The following CLDN23 variants were observed in gnomAD, a reference collection of about 807,000 sequenced individuals.
The protein encoded by CLDN23 is claudin 23, also known as claudin-23.
Under a neutral mutation model 1.4 loss-of-function variants are expected in CLDN23, and 3 were observed. The observed-to-expected ratio is 2.10, with a 90% CI of 0.96 to 5.43. The LOEUF is 5.43. Among genes scored for constraint, CLDN23 ranks in the 30% most tolerant of loss-of-function variants. The pLI, the probability that CLDN23 is intolerant of heterozygous loss-of-function variation, is 0.02. For missense variants in CLDN23, 597 were observed against 433.5 expected (o/e 1.38, Z -3.35); for synonymous variants, 291 against 209.9 (o/e 1.39, Z -3.34).
Position 8,702,478 on chromosome 8 carries a change from C to A in CLDN23, c.80C>A (p.Ala27Glu), listed in dbSNP as rs371447820. The A allele has an allele frequency of 6.2e-7, 1 of 1,607,878 alleles. No individual in the cohort carries two copies. Among genetic ancestry groups the A allele is most frequent in the Non-Finnish European group, 8.5e-7 (1 of 1,178,012 alleles). The change falls in exon 1 of 1, where the codon GCG (alanine) becomes GAG (glutamate). Residue 27 changes from alanine to glutamate, a missense_variant. Physicochemically the swap from Ala to Glu is moderately radical, Grantham distance 107. Coordinates refer to ENST00000519106, the MANE Select transcript of CLDN23 (RefSeq NM_194284.3). ...GLLLNLTGTLAPGWRLVKGFL... is the reference protein window; with the variant it reads ...GLLLNLTGTLEPGWRLVKGFL... Reference sequence around the variant, plus strand: ...CTGCTCAACCTGACCGGCACCCTGGCGCCCGGCTGGCGGCTGGTGAAGGGC... The same window carrying A: ...CTGCTCAACCTGACCGGCACCCTGGAGCCCGGCTGGCGGCTGGTGAAGGGC...
At position 8,703,459 on chromosome 8, in the gene CLDN23, A is replaced by G; in HGVS notation, c.*182A>G. 6 of 536,788 alleles carry G rather than the reference A, an allele frequency of 1.1e-5. No individual in the cohort carries two copies. The highest frequency in any genetic ancestry group is 1.2e-5 in the Non-Finnish European group (4 of 338,550). 33.3% of individuals were successfully genotyped at this position (536,788 alleles called of 1,614,324 possible). On this transcript the variant is annotated 3_prime_UTR_variant, in exon 1 of 1. Coordinates refer to ENST00000519106, the MANE Select transcript of CLDN23 (RefSeq NM_194284.3). ...AGGTTGGGTTTGGTTTTCTTCTTAA[A>G]GAGTTTAGTTTTCCTCTCCAGAGGG...
rs1370521737 is a variant in CLDN23, at chr8:8,703,287, G to C, written c.*10G>C. The C allele has an allele frequency of 5.1e-6, 7 of 1,371,876 alleles. No individual in the cohort carries two copies. Among genetic ancestry groups the C allele is most frequent in the Non-Finnish European group, 6.6e-6 (7 of 1,057,748 alleles). 85.0% of individuals were successfully genotyped at this position (1,371,876 alleles called of 1,614,324 possible). A position where few individuals can be genotyped will look rare whatever the true frequency, so the allele number is the denominator to read the frequency against. On this transcript the variant is annotated 3_prime_UTR_variant, in exon 1 of 1. Coordinates refer to ENST00000519106, the MANE Select transcript of CLDN23 (RefSeq NM_194284.3). ...CGACTCCGACCTCTAGACGCTTGTA[G>C]AGCCTGGGGGGCGCCGGGTGGCAAA...
In CLDN23 at chr8:8,702,285, G is replaced by A. The variant is rs1021162206; in HGVS notation, c.-114G>A. 8.2e-7 allele frequency: 1 copy of A among 1,218,096 alleles called. No individual in the cohort carries two copies. 75.5% of individuals were successfully genotyped at this position (1,218,096 alleles called of 1,614,324 possible). A position where few individuals can be genotyped will look rare whatever the true frequency, so the allele number is the denominator to read the frequency against. On this transcript the variant is annotated 5_prime_UTR_variant, in exon 1 of 1. Transcript: ENST00000519106. ...CCGACCCGGAGCCCGGGGCGTCCGC[G>A]CTGACTTCGGGTCCCCGGAGCCTGG...
At position 8,702,949 on chromosome 8, in the gene CLDN23, G is replaced by C. The variant is rs923626720; in HGVS notation, c.551G>C (p.Trp184Ser). 5.7e-6 allele frequency: 9 copies of C among 1,568,956 alleles called. No homozygotes were observed. The highest frequency in any genetic ancestry group is 6.9e-6 in the Non-Finnish European group (8 of 1,162,758). ...TCGCTGGCGCTCAGCTTCGCGCCCTGGTGCGACGAGCGTTGTCGCCGCCGC... is the reference window on the plus strand; with the variant it reads ...TCGCTGGCGCTCAGCTTCGCGCCCTCGTGCGACGAGCGTTGTCGCCGCCGC... ...GFSLALSFAPWCDERCRRRRK... is the reference protein window; with the variant it reads ...GFSLALSFAPSCDERCRRRRK... The change falls in exon 1 of 1, where the codon TGG (tryptophan) becomes TCG (serine). Residue 184 changes from tryptophan to serine, a missense_variant. Trp to Ser is a radical substitution (Grantham distance 177, BLOSUM62 -3). Transcript: ENST00000519106.
rs780406912 is a variant in CLDN23 at position 8,702,449 on chromosome 8, G to A, written c.51G>A (p.Gly17=). ...TGGGCATGGTGTTGGCGCCCTGCGG[G>A]CTCCTGCTCAACCTGACCGGCACCC... ...MTLGMVLAPC[G]LLLNLTGTLA... The change falls in exon 1 of 1, where the codon GGG becomes GGA. Residue 17 remains glycine (G), a synonymous_variant. Coordinates refer to ENST00000519106, the MANE Select transcript of CLDN23 (RefSeq NM_194284.3). The A allele has an allele frequency of 2.5e-6, 4 of 1,589,910 alleles. No individual in the cohort carries two copies. Among genetic ancestry groups the A allele is most frequent in the Non-Finnish European group, 3.4e-6 (4 of 1,169,790 alleles).
At position 8,703,124 on chromosome 8, in the gene CLDN23, G is replaced by GCCCAAT; in HGVS notation, c.731_732insTCCCAA (p.Pro243_Lys244insAsnPro). On this transcript the variant is annotated inframe_insertion, in exon 1 of 1. Transcript: ENST00000519106. ...CCCAGCACCGCAAGCCCAAGCCCAA[G>GCCCAAT]CCCAAGGTCGGCTTCCCCATGCCGC... is the stretch of plus-strand genomic sequence containing the variant. 1 of 1,546,268 alleles carries GCCCAAT rather than the reference G, an allele frequency of 6.5e-7. No individual in the cohort carries two copies. Among genetic ancestry groups the GCCCAAT allele is most frequent in the Non-Finnish European group, 8.7e-7 (1 of 1,154,700 alleles).
At position 8,702,402 on chromosome 8, in the gene CLDN23, C is replaced by T. The variant is rs540615917; in HGVS notation, c.4C>T (p.Arg2Trp). The change falls in exon 1 of 1, where the codon CGG (arginine) becomes TGG (tryptophan). Residue 2 changes from arginine (R) to tryptophan (W), a missense_variant. Arg to Trp is a moderately radical substitution (Grantham distance 101, BLOSUM62 -3). Coordinates refer to ENST00000519106, the MANE Select transcript of CLDN23 (RefSeq NM_194284.3). M[R>W]TPVVMTLGMV... ...GCCGTCGGCGCGGCGGGCCGGGATG[C>T]GGACGCCGGTGGTGATGACGCTGGG... 12 of 1,477,826 alleles carry T rather than the reference C, an allele frequency of 8.1e-6. No individual in the cohort carries two copies. The highest frequency in any genetic ancestry group is 1.5e-5 in the African/African-American group (1 of 68,128). 91.5% of individuals were successfully genotyped at this position (1,477,826 alleles called of 1,614,324 possible).
In CLDN23 at chr8:8,703,946, G is replaced by T. The variant is rs753575898; in HGVS notation, c.*669G>T. On this transcript the variant is annotated 3_prime_UTR_variant, in exon 1 of 1. Transcript: ENST00000519106. The stretch of plus-strand genomic sequence containing the variant: ...TCCAGAAGCCAAGAGGAGAACAAAG[G>T]TCCTAATGCTGTACTATTCCACCCT... 4 of 167,076 alleles carry T rather than the reference G, an allele frequency of 2.4e-5. No individual in the cohort carries two copies. The highest frequency in any genetic ancestry group is 5.9e-5 in the Non-Finnish European group (4 of 68,124). 10.3% of individuals were successfully genotyped at this position (167,076 alleles called of 1,614,324 possible). A position where few individuals can be genotyped will look rare whatever the true frequency, so the allele number is the denominator to read the frequency against.
rs566099565 is a variant in CLDN23 at position 8,702,273 on chromosome 8, C to T, written c.-126C>T. On this transcript the variant is annotated 5_prime_UTR_variant, in exon 1 of 1. Transcript: ENST00000519106. ...GGGCTCAGGAGCCCGACCCGGAGCC[C>T]GGGGCGTCCGCGCTGACTTCGGGTC... 2.6e-5 allele frequency: 28 copies of T among 1,075,812 alleles called. 1 individual carries two copies. Among genetic ancestry groups the T allele is most frequent in the Admixed American group, 1.2e-4 (4 of 32,766 alleles). 66.6% of individuals were successfully genotyped at this position (1,075,812 alleles called of 1,614,324 possible).
Position 8,702,121 on chromosome 8 carries a change from G to C in CLDN23, c.-278G>C. 3.1e-6 allele frequency: 1 copy of C among 323,444 alleles called. No homozygotes were observed. The highest frequency in any genetic ancestry group is 5.6e-6 in the Non-Finnish European group (1 of 178,108). 20.0% of individuals were successfully genotyped at this position (323,444 alleles called of 1,614,324 possible). On this transcript the variant is annotated 5_prime_UTR_variant, in exon 1 of 1. Transcript: ENST00000519106. ...GCGCCCGGACCCGCGGTTTCGGTCA[G>C]ACCCGCCCGCGGGCTGGTTTCGATT...
In CLDN23 at chr8:8,701,939, GCGTGGCCC is replaced by G; in HGVS notation, c.-459_-452del. 1 of 152,940 alleles carries G rather than the reference GCGTGGCCC, an allele frequency of 6.5e-6. No individual in the cohort carries two copies. The highest frequency in any genetic ancestry group is 2.4e-5 in the African/African-American group (1 of 41,596). 9.5% of individuals were successfully genotyped at this position (152,940 alleles called of 1,614,324 possible). A position where few individuals can be genotyped will look rare whatever the true frequency, so the allele number is the denominator to read the frequency against. ...TCCGGCCGTGAGCAGTCCAGGCCAG[GCGTGGCCC>G]AGCCGCCCGGCTGCAAGGTGGGGTG... On this transcript the variant is annotated 5_prime_UTR_variant, in exon 1 of 1. Coordinates refer to ENST00000519106, the MANE Select transcript of CLDN23 (RefSeq NM_194284.3).
rs768358755 is a variant in CLDN23 at position 8,703,273 on chromosome 8, T to G, written c.875T>G (p.Leu292Arg). 3.6e-6 allele frequency: 5 copies of G among 1,394,586 alleles called. No homozygotes were observed. The African/African-American group carries it at 7.6e-5, about 21-fold the overall frequency. 86.4% of individuals were successfully genotyped at this position (1,394,586 alleles called of 1,614,324 possible). ...CDSSLPCDSD[L>R] ...AGCTCGCTGCCCTGCGACTCCGACC[T>G]CTAGACGCTTGTAGAGCCTGGGGGG... Residue 292 changes from leucine to arginine, a missense_variant, in exon 1 of 1, where the codon CTC becomes CGC. Leu to Arg is a moderately radical substitution (Grantham distance 102). Coordinates refer to ENST00000519106, the MANE Select transcript of CLDN23 (RefSeq NM_194284.3).
chr8:8,703,148 G>C lies in CLDN23; in HGVS notation c.750G>C (p.Pro250=). The C allele has an allele frequency of 6.5e-7, 1 of 1,537,604 alleles. No homozygotes were observed. The change falls in exon 1 of 1, where the codon CCG becomes CCC. Residue 250 remains proline (P), a synonymous_variant. Transcript: ENST00000519106. Reference sequence around the variant, plus strand: ...AGCCCAAGGTCGGCTTCCCCATGCCGCGGCCGCGGCCCAAGGCCTACACCA... The same window carrying C: ...AGCCCAAGGTCGGCTTCCCCATGCCCCGGCCGCGGCCCAAGGCCTACACCA... ...KPKPKVGFPM[P]RPRPKAYTNS... is the part of the protein sequence containing the mutation.
In CLDN23 at chr8:8,702,229, A is replaced by T; in HGVS notation, c.-170A>T. ...GACGGTCCCCGTGCAGGAGACAAAGAGCGTCCCTGGAGCGATCAGGGCTCA... is the reference window on the plus strand; with the variant it reads ...GACGGTCCCCGTGCAGGAGACAAAGTGCGTCCCTGGAGCGATCAGGGCTCA... On this transcript the variant is annotated 5_prime_UTR_variant, in exon 1 of 1. Transcript: ENST00000519106. The T allele has an allele frequency of 1.7e-6, 1 of 578,392 alleles. No individual in the cohort carries two copies. Among genetic ancestry groups the T allele is most frequent in the Non-Finnish European group, 2.8e-6 (1 of 360,750 alleles). The allele number at this position is 578,392 out of a possible 1,614,324, so 35.8% of individuals were successfully genotyped here.
In CLDN23 at chr8:8,702,746, C is replaced by G. The variant is rs773519901; in HGVS notation, c.348C>G (p.Leu116=). The change falls in exon 1 of 1, where the codon CTC becomes CTG. Residue 116 remains leucine (L), a synonymous_variant. Transcript: ENST00000519106. Reference sequence around the variant, plus strand: ...AGCCCAACTTCGTGCTGGCAGGGCTCTCGGGCGTCGTGCTCTTCGTCGCTG... The same window carrying G: ...AGCCCAACTTCGTGCTGGCAGGGCTGTCGGGCGTCGTGCTCTTCGTCGCTG... ...QDEPNFVLAG[L]SGVVLFVAGL... is the part of the protein sequence containing the mutation. 1.1e-5 allele frequency: 17 copies of G among 1,609,484 alleles called. No individual in the cohort carries two copies. Among genetic ancestry groups the G allele is most frequent in the Middle Eastern group, 3.3e-4 (2 of 6,074 alleles).
chr8:8,702,449 G>C lies in CLDN23; in HGVS notation c.51G>C (p.Gly17=). The change falls in exon 1 of 1, where the codon GGG becomes GGC. Residue 17 remains glycine, a synonymous_variant. Transcript: ENST00000519106. The part of the protein sequence containing the change: ...MTLGMVLAPC[G]LLLNLTGTLA... ...TGGGCATGGTGTTGGCGCCCTGCGGGCTCCTGCTCAACCTGACCGGCACCC... is the reference window on the plus strand; with the variant it reads ...TGGGCATGGTGTTGGCGCCCTGCGGCCTCCTGCTCAACCTGACCGGCACCC... The C allele has an allele frequency of 6.3e-7, 1 of 1,590,028 alleles. No homozygotes were observed. Among genetic ancestry groups the C allele is most frequent in the Non-Finnish European group, 8.5e-7 (1 of 1,169,782 alleles).
rs946545217 is a variant in CLDN23, at chr8:8,703,691, C to A, written c.*414C>A. On this transcript the variant is annotated 3_prime_UTR_variant, in exon 1 of 1. Transcript: ENST00000519106. ...TATTGGGTTTTTTTTCTTTTTCCTG[C>A]TGTATAACTCCTTGCCATGCAAACT... 1 of 171,368 alleles carries A rather than the reference C, an allele frequency of 5.8e-6. No homozygotes were observed. The highest frequency in any genetic ancestry group is 2.4e-5 in the African/African-American group (1 of 41,544). The allele number at this position is 171,368 out of a possible 1,614,324, so 10.6% of individuals were successfully genotyped here.
rs1219959033 is a variant in CLDN23, at chr8:8,702,969, C to A, written c.571C>A (p.Arg191Ser). 4 of 1,561,552 alleles carry A rather than the reference C, an allele frequency of 2.6e-6. No individual in the cohort carries two copies. In the East Asian group the frequency reaches 9.4e-5, roughly 37 times the overall value. The stretch of plus-strand genomic sequence containing the variant: ...GCCCTGGTGCGACGAGCGTTGTCGC[C>A]GCCGCCGCAAGGGACCCTCCGCCGG... The part of the protein sequence containing the change: ...FAPWCDERCR[R>S]RRKGPSAGPR... Residue 191 changes from arginine (R) to serine (S), a missense_variant, in exon 1 of 1, where the codon CGC becomes AGC. Coordinates refer to ENST00000519106, the MANE Select transcript of CLDN23 (RefSeq NM_194284.3).
In CLDN23 at chr8:8,703,280, G is replaced by T. The variant is rs771318527; in HGVS notation, c.*3G>T. On this transcript the variant is annotated 3_prime_UTR_variant, in exon 1 of 1. Coordinates refer to ENST00000519106, the MANE Select transcript of CLDN23 (RefSeq NM_194284.3). ...TGCCCTGCGACTCCGACCTCTAGAC[G>T]CTTGTAGAGCCTGGGGGGCGCCGGG... 2.2e-6 allele frequency: 3 copies of T among 1,381,978 alleles called. No homozygotes were observed. The highest frequency in any genetic ancestry group is 2.9e-5 in the East Asian group (1 of 34,368). The allele number at this position is 1,381,978 out of a possible 1,614,324, so 85.6% of individuals were successfully genotyped here.
Sources: allele counts gnomAD v4.1 joint callset, GRCh38; gene constraint gnomAD v4.1.1; transcripts MANE v1.5; gene names NCBI Gene and HGNC (gene_info 2026-07-23, HGNC 2026-07-21).